Variants in DOK6 observed in about 807,000 individuals in gnomAD.
The protein encoded by DOK6 is downstream of tyrosine kinase 6.
A neutral mutation model predicts 44.0 loss-of-function variants in DOK6; 22 were observed. The observed-to-expected ratio is 0.50, with a 90% CI of 0.36 to 0.71. The LOEUF is 0.71. Among genes scored for constraint, DOK6 ranks in the 30% least tolerant of loss-of-function variants. The pLI is 0.00. For synonymous variants in DOK6, 166 were observed against 145.5 expected (o/e 1.14, Z -1.01); for missense variants, 340 against 416.4 (o/e 0.82, Z 1.60).
intron 1 of DOK6, among the ~76,000 whole-genome samples, chr18:69,558,758 G>A (rs1982752572): frequency 6.6e-6 from 1 of 152,094 alleles, no homozygotes; most frequent in Admixed American, 6.6e-5. Flanking sequence ...ACAACTACAT[G>A]CAACTTGATA....
intron 4 of DOK6, among the ~76,000 whole-genome samples, chr18:69,687,025 G>GA (rs1458690998): frequency 7.9e-5 from 12 of 152,104 alleles, no homozygotes; most frequent in African/African-American, 2.9e-4. Flanking sequence ...AAACTATTCA[G>GA]AAAAAACAGA....
intron 5 of DOK6, among the ~76,000 whole-genome samples, chr18:69,714,774 C>T (rs775596522): frequency 2.8e-4 from 43 of 152,240 alleles, no homozygotes; most frequent in Non-Finnish European, 4.6e-4. Flanking sequence ...GCAATATTTT[C>T]ATAAAAGTAT....
chr18:69,640,536 C>A (rs1984915507), intron 3 of DOK6, among the ~76,000 whole-genome samples: 1 of 152,108 alleles, frequency 6.6e-6, no homozygotes, highest in African/African-American at 2.4e-5. Context: ...GAAAAACTAC[C>A]CTGCTTGTAG....
At chr18:69,788,344 A>C (rs1371854755) in intron 7 of DOK6, among the ~76,000 whole-genome samples, 2 of 152,188 alleles carry the variant, frequency 1.3e-5, no homozygotes, top group Non-Finnish European at 2.9e-5. Flanking sequence ...ACTCACTTAA[A>C]CAATTGTGTA....
chr18:69,670,380 A>C (rs998674211), intron 3 of DOK6, among the ~76,000 whole-genome samples: 10 of 152,122 alleles, frequency 6.6e-5, no homozygotes, highest in African/African-American at 2.4e-4. Flanking sequence ...GAAGAGTTGC[A>C]CAGAAAGCAA....
intron 1 of DOK6, among the ~76,000 whole-genome samples, chr18:69,487,418 C>A (rs1980614364): frequency 6.6e-6 from 1 of 152,160 alleles, no homozygotes; most frequent in South Asian, 2.1e-4. Context: ...TTGAGGACAA[C>A]TGGGGCAAAA....
At position 69,463,202 on chromosome 18, in the gene DOK6, C is replaced by T. The variant is rs571176670; in HGVS notation, c.66+61892C>T. ...GAAGGGATGAGGGGTCTCTCTCAGG[C>T]CTCTCCTATAAGGGCACCAGGCCTA... On this transcript the variant is annotated intron_variant, in intron 1 of 7. Transcript: ENST00000382713. Among the ~76,000 whole-genome samples the T allele has an allele frequency of 2.0e-5, 3 of 152,196 alleles. No individual in the cohort carries two copies. In the South Asian group the frequency reaches 6.2e-4, roughly 32 times the overall value.
chr18:69,450,579 G>A (rs1208589306), intron 1 of DOK6, among the ~76,000 whole-genome samples: 2 of 148,482 alleles, frequency 1.3e-5, no homozygotes, highest in African/African-American at 2.5e-5. Context: ...GATACTCCTC[G>A]AGAAGAGCAA....
chr18:69,658,676 CTATT>C (rs1463653467), intron 3 of DOK6, among the ~76,000 whole-genome samples: 4 of 152,176 alleles, frequency 2.6e-5, no homozygotes, highest in South Asian at 2.1e-4. Context: ...CTGTATTTCT[CTATT>C]TATTTCATAA....
At chr18:69,411,543 T>C (rs1024614511) in intron 1 of DOK6, among the ~76,000 whole-genome samples, 1 of 152,160 alleles carries the variant, frequency 6.6e-6, no homozygotes, top group African/African-American at 2.4e-5. Flanking sequence ...ATTGTTTGCA[T>C]TGAGAATCCA....
intron 3 of DOK6, among the ~76,000 whole-genome samples, chr18:69,612,399 T>TGGCGCA (rs546114466): frequency 9.6e-5 from 6 of 62,414 alleles, no homozygotes; most frequent in African/African-American, 1.8e-4. Context: ...CGAAGAGACT[T>TGGCGCA]TGTGTGCGAG....
intron 1 of DOK6, among the ~76,000 whole-genome samples, chr18:69,424,080 T>A (rs555769906): frequency 6.6e-6 from 1 of 152,326 alleles, no homozygotes; most frequent in South Asian, 2.1e-4. Flanking sequence ...GAGTTGTGGT[T>A]CATTCATTTT....
At chr18:69,655,844 A>C (rs1411827489) in intron 3 of DOK6, among the ~76,000 whole-genome samples, 3 of 151,316 alleles carry the variant, frequency 2.0e-5, no homozygotes, top group Admixed American at 6.6e-5. Context: ...ATGAAAAATA[A>C]AATATGACAT....
intron 7 of DOK6, among the ~76,000 whole-genome samples, chr18:69,805,175 A>T (rs1981019298): frequency 6.6e-6 from 1 of 152,190 alleles, no homozygotes; most frequent in Non-Finnish European, 1.5e-5. Context: ...AAAAGAGATA[A>T]GCTCCTGCAT....
intron 1 of DOK6, among the ~76,000 whole-genome samples, chr18:69,525,801 C>T (rs968307379): frequency 3.9e-5 from 6 of 151,960 alleles, no homozygotes; most frequent in Admixed American, 2.0e-4. Flanking sequence ...TTATGCACAT[C>T]GAAACTTTCA....
intron 4 of DOK6, among the ~76,000 whole-genome samples, chr18:69,697,628 A>C (rs1986417790): frequency 6.6e-6 from 1 of 152,104 alleles, no homozygotes; most frequent in South Asian, 2.1e-4. Context: ...TATTTTTCAA[A>C]AAAAAAAATC....
intron 1 of DOK6, among the ~76,000 whole-genome samples, chr18:69,461,400 T>C (rs895599330): frequency 6.6e-6 from 1 of 152,152 alleles, no homozygotes; most frequent in African/African-American, 2.4e-5. Context: ...CACTCCACCA[T>C]GGGAACAGCT....
intron 5 of DOK6, among the ~76,000 whole-genome samples, chr18:69,728,102 G>C (rs1978319761): frequency 1.3e-5 from 2 of 152,174 alleles, no homozygotes; most frequent in Non-Finnish European, 2.9e-5. Context: ...ATCCTGACCA[G>C]TTTCCTCGAT....
intron 1 of DOK6, among the ~76,000 whole-genome samples, chr18:69,423,708 C>T (rs1978559384): frequency 6.6e-6 from 1 of 151,926 alleles, no homozygotes; most frequent in South Asian, 2.1e-4. Context: ...GAAATGAAAA[C>T]TTCTTTTGTC....
Sources: gnomAD v4.1 joint callset for allele counts (sites outside exome capture counted in the v4.1 genomes callset) on GRCh38, gnomAD v4.1.1 for gene constraint, MANE v1.5 for transcripts, NCBI Gene and HGNC (gene_info 2026-07-23, HGNC 2026-07-21) for gene names.